FHIP1A: variants seen among roughly 807,000 people sequenced by gnomAD.
FHIP1A encodes the protein FHF complex subunit HOOK-interacting protein 1A.
Under a neutral mutation model 88.6 loss-of-function variants are expected in FHIP1A, and 61 were observed. The observed-to-expected ratio is 0.69, with a 90% CI of 0.56 to 0.85. The LOEUF is 0.85. FHIP1A is among the 40% of genes least tolerant of loss of function. The probability of loss-of-function intolerance (pLI) is 0.00; values close to 1 mark genes in which losing one functional copy is unlikely to be tolerated. For missense variants in FHIP1A, 1,154 were observed against 1,273.5 expected, an observed-to-expected ratio of 0.91 and a Z score of 1.43; for synonymous variants, 478 against 496.0, an observed-to-expected ratio of 0.96 and a Z score of 0.48.
intron 3 of FHIP1A, among the ~76,000 whole-genome samples, chr4:151,541,996 C>T (rs555404179): frequency 1.3e-5 from 2 of 152,238 alleles, no homozygotes; most frequent in South Asian, 4.2e-4. Context: ...TGGGTTGGAG[C>T]CTTGGGAAGT....
chr4:151,537,331 A>G (rs1027687622), intron 3 of FHIP1A, among the ~76,000 whole-genome samples: 8 of 152,158 alleles, frequency 5.3e-5, no homozygotes, highest in African/African-American at 1.9e-4. Context: ...GCAGTAATAT[A>G]TCTTTGTGGT....
chr4:151,547,165 C>G (rs1732537364), intron 3 of FHIP1A, among the ~76,000 whole-genome samples: 1 of 152,152 alleles, frequency 6.6e-6, no homozygotes, highest in Non-Finnish European at 1.5e-5. Flanking sequence ...TCATAAAGGA[C>G]TGTAGGCCAT....
chr4:151,460,721 T>TTTTTCA (rs1224050431), intron 2 of FHIP1A, among the ~76,000 whole-genome samples: 4 of 152,196 alleles, frequency 2.6e-5, no homozygotes, highest in Non-Finnish European at 5.9e-5. Flanking sequence ...CTGCTTAAAA[T>TTTTTCA]TTTTCATTTC....
In FHIP1A at chr4:151,412,565, TCTTTCTTTCTTTC is replaced by T. The variant is rs141064250; in HGVS notation, c.-356+3110_-356+3122del. ...AAATGGGCTTTTCTTTTTCTTTCTT[TCTTTCTTTCTTTC>T]CTTTCTTTCCTTCCTTCCTTCCTTC... is the stretch of plus-strand genomic sequence containing the variant. On this transcript the variant is annotated intron_variant, in intron 1 of 13. Coordinates refer to ENST00000435205, the MANE Select transcript of FHIP1A (RefSeq NM_001109977.3). 2.5e-3 allele frequency among the ~76,000 whole-genome samples: 356 copies of T among 140,680 alleles called. 1 individual carries two copies. Among genetic ancestry groups the T allele is most frequent in the African/African-American group, 5.3e-3 (196 of 36,888 alleles). 92.3% of individuals were successfully genotyped at this position (140,680 alleles called of 152,430 possible).
intron 2 of FHIP1A, among the ~76,000 whole-genome samples, chr4:151,467,783 A>G (rs1729373746): frequency 6.6e-6 from 1 of 152,050 alleles, no homozygotes; most frequent in South Asian, 2.1e-4. Context: ...GAACAATGAG[A>G]ACACATGGAC....
intron 7 of FHIP1A, among the ~76,000 whole-genome samples, chr4:151,591,387 G>A (rs766035441): frequency 6.6e-6 from 1 of 151,870 alleles, no homozygotes; most frequent in Non-Finnish European, 1.5e-5. Context: ...ACTCCTGTCT[G>A]TGTTTCCTAT....
chr4:151,436,027 C>G (rs1158443776), intron 1 of FHIP1A, among the ~76,000 whole-genome samples: 1 of 152,082 alleles, frequency 6.6e-6, no homozygotes, highest in Non-Finnish European at 1.5e-5. Flanking sequence ...TTAAATGACA[C>G]ATTGATGTTT....
At chr4:151,438,160 T>A (rs1728275549) in intron 1 of FHIP1A, among the ~76,000 whole-genome samples, 1 of 151,992 alleles carries the variant, frequency 6.6e-6, no homozygotes, top group Non-Finnish European at 1.5e-5. Flanking sequence ...CACTCCTGGG[T>A]GGCAGCAGAA....
intron 7 of FHIP1A, among the ~76,000 whole-genome samples, chr4:151,622,633 G>T (rs1367939896): frequency 6.6e-6 from 1 of 152,064 alleles, no homozygotes; most frequent in African/African-American, 2.4e-5. Flanking sequence ...TGCATACTCG[G>T]TGCTCAGTAA....
chr4:151,594,807 T>C (rs1051479588), intron 7 of FHIP1A, among the ~76,000 whole-genome samples: 3 of 152,138 alleles, frequency 2.0e-5, no homozygotes, highest in African/African-American at 7.2e-5. Flanking sequence ...TCTCCTGACC[T>C]CATGATCCTC....
At chr4:151,602,104 T>G (rs1363841699) in intron 7 of FHIP1A, among the ~76,000 whole-genome samples, 1 of 151,976 alleles carries the variant, frequency 6.6e-6, no homozygotes, top group Non-Finnish European at 1.5e-5. Context: ...TCCCACGACA[T>G]GTGGGAATTG....
chr4:151,410,266 G>A (rs1358330528), intron 1 of FHIP1A, among the ~76,000 whole-genome samples: 1 of 152,252 alleles, frequency 6.6e-6, no homozygotes, highest in African/African-American at 2.4e-5. Flanking sequence ...AGCAGATGCT[G>A]CAGCCCCAGC....
At chr4:151,603,261 C>T (rs927740244) in intron 7 of FHIP1A, among the ~76,000 whole-genome samples, 5 of 151,174 alleles carry the variant, frequency 3.3e-5, no homozygotes. Context: ...TGCGGTGAGC[C>T]AAAATCGCAC....
intron 3 of FHIP1A, among the ~76,000 whole-genome samples, chr4:151,529,467 A>T (rs1034154347): frequency 3.9e-5 from 6 of 152,126 alleles, no homozygotes; most frequent in African/African-American, 1.4e-4. Flanking sequence ...CTAATTCATG[A>T]TTATCTCTGA....
intron 3 of FHIP1A, among the ~76,000 whole-genome samples, chr4:151,513,091 A>G (rs530941484): frequency 2.6e-5 from 4 of 152,354 alleles, no homozygotes; most frequent in African/African-American, 9.6e-5. Flanking sequence ...CCATCAGACT[A>G]ACAGCGGATC....
chr4:151,496,261 A>ATT (rs1325572725), intron 3 of FHIP1A, among the ~76,000 whole-genome samples: 4 of 149,628 alleles, frequency 2.7e-5, no homozygotes, highest in African/African-American at 9.8e-5. Flanking sequence ...ATATATATAT[A>ATT]TTTTTTCTTT....
intron 1 of FHIP1A, among the ~76,000 whole-genome samples, chr4:151,417,592 G>A (rs1260339044): frequency 6.6e-6 from 1 of 152,126 alleles, no homozygotes; most frequent in Non-Finnish European, 1.5e-5. Flanking sequence ...TGGTCCTTTT[G>A]TTACTTGGGT....
intron 3 of FHIP1A, among the ~76,000 whole-genome samples, chr4:151,550,836 G>C (rs1332212104): frequency 6.6e-6 from 1 of 152,204 alleles, no homozygotes; most frequent in Admixed American, 6.5e-5. Context: ...CTGTCAGGGA[G>C]AGAAGCAGGA....
chr4:151,640,506 A>G (rs925843181), intron 9 of FHIP1A, among the ~76,000 whole-genome samples: 6 of 152,252 alleles, frequency 3.9e-5, no homozygotes, highest in African/African-American at 1.4e-4. Context: ...CTCTACTGAT[A>G]TATGACAGAA....
Sources: allele counts gnomAD v4.1 joint callset (sites outside exome capture counted in the v4.1 genomes callset), GRCh38; gene constraint gnomAD v4.1.1; transcripts MANE v1.5; gene names NCBI Gene and HGNC (gene_info 2026-07-23, HGNC 2026-07-21).